Variants in STK39 observed in about 807,000 individuals in gnomAD.
The protein encoded by STK39 is serine/threonine kinase 39.
STK39 carries 20 observed loss-of-function variants against 77.8 expected under a neutral mutation model. That is an observed-to-expected ratio of 0.26 (90% CI 0.18 to 0.37). STK39 has a LOEUF of 0.37. STK39 is among the 10% of genes least tolerant of loss of function. The pLI is 1.00. For missense variants in STK39, 479 were observed against 656.5 expected (o/e 0.73, Z 2.95); for synonymous variants, 246 against 234.1 (o/e 1.05, Z -0.47).
At chr2:168,222,230 C>A (rs1414957426) in intron 1 of STK39, among the ~76,000 whole-genome samples, 2 of 152,152 alleles carry the variant, frequency 1.3e-5, no homozygotes, top group Non-Finnish European at 2.9e-5. Flanking sequence ...AGTCCACTGC[C>A]AGAATTCCTC....
chr2:168,081,373 C>A (rs556209866), intron 10 of STK39, among the ~76,000 whole-genome samples: 3 of 152,246 alleles, frequency 2.0e-5, no homozygotes, highest in Non-Finnish European at 4.4e-5. Context: ...GATTTGACTG[C>A]CTCACTGGAT....
Position 168,247,440 on chromosome 2 carries a change from C to T in STK39, c.-5G>A. On this transcript the variant is annotated 5_prime_UTR_variant, in exon 1 of 18. Transcript: ENST00000355999. ...CGAGCCGCTCGGCTCCGCCATGATG[C>T]TGCGGAGGAGAGCAGGAGGACGCGC... The T allele has an allele frequency of 1.5e-6, 2 of 1,294,412 alleles. No individual in the cohort carries two copies. The highest frequency in any genetic ancestry group is 7.2e-5 in the East Asian group (2 of 27,776). 80.2% of individuals were successfully genotyped at this position (1,294,412 alleles called of 1,614,324 possible).
At chr2:168,131,678 G>A (rs755128917) in intron 8 of STK39, among the ~76,000 whole-genome samples, 14 of 152,258 alleles carry the variant, frequency 9.2e-5, no homozygotes, top group African/African-American at 2.9e-4. Context: ...CTGGATCTCC[G>A]TATCTACCTG....
chr2:167,998,354 C>T (rs1057379076), intron 16 of STK39, among the ~76,000 whole-genome samples: 4 of 152,170 alleles, frequency 2.6e-5, no homozygotes, highest in Non-Finnish European at 4.4e-5. Context: ...TCACTAAATT[C>T]GACTGCAATT....
chr2:168,023,945 C>A (rs1195634337), intron 14 of STK39, among the ~76,000 whole-genome samples: 1 of 152,124 alleles, frequency 6.6e-6, no homozygotes, highest in East Asian at 1.9e-4. Flanking sequence ...CTTACTTTTA[C>A]CCGAAATTCC....
At chr2:168,237,719 A>C (rs559590614) in intron 1 of STK39, among the ~76,000 whole-genome samples, 16 of 152,322 alleles carry the variant, frequency 1.1e-4, no homozygotes, top group Non-Finnish European at 2.2e-4. Context: ...TTTGGCCATT[A>C]GAGAGTTTTC....
At position 168,161,558 on chromosome 2, in the gene STK39, A is replaced by C. The variant is rs189439994; in HGVS notation, c.628+229T>G. 2.5e-3 allele frequency among the ~76,000 whole-genome samples: 374 copies of C among 152,344 alleles called. 2 individuals are homozygous for C. The highest frequency in any genetic ancestry group is 8.5e-3 in the African/African-American group (355 of 41,576). On this transcript the variant is annotated intron_variant, in intron 5 of 17. Transcript: ENST00000355999. ...ACATAATAAAATTGAAAATAAAATT[A>C]TTCTTTATCAAAAAGCTATGTACTA...
chr2:168,052,127 C>T (rs773260845), intron 14 of STK39, among the ~76,000 whole-genome samples: 5 of 152,066 alleles, frequency 3.3e-5, no homozygotes, highest in African/African-American at 9.7e-5. Flanking sequence ...CCAATAGACA[C>T]TGTGCCAAGC....
Position 168,247,574 on chromosome 2 carries a change from G to GTC in STK39, c.-140_-139insGA. On this transcript the variant is annotated 5_prime_UTR_variant, in exon 1 of 18. Coordinates refer to ENST00000355999, the MANE Select transcript of STK39 (RefSeq NM_013233.3). Reference sequence around the variant, plus strand: ...CGCCGCCGCCGCCGTCCCCGCCGAAGCCAGCTAGGAGGGGAGGGAGCAAGG... The same window carrying GTC: ...CGCCGCCGCCGCCGTCCCCGCCGAAGTCCCAGCTAGGAGGGGAGGGAGCAAGG... The GTC allele has an allele frequency of 9.2e-6, 6 of 649,320 alleles. No homozygotes were observed. The highest frequency in any genetic ancestry group is 2.0e-5 in the African/African-American group (1 of 50,674). 40.2% of individuals were successfully genotyped at this position (649,320 alleles called of 1,614,324 possible).
intron 14 of STK39, among the ~76,000 whole-genome samples, chr2:168,058,240 T>G (rs887771297): frequency 6.6e-6 from 1 of 152,224 alleles, no homozygotes; most frequent in Non-Finnish European, 1.5e-5. Flanking sequence ...GTGCTTCATT[T>G]TGCAAATATA....
chr2:168,003,687 T>G (rs1250487197), intron 16 of STK39, among the ~76,000 whole-genome samples: 1 of 152,196 alleles, frequency 6.6e-6, no homozygotes, highest in African/African-American at 2.4e-5. Flanking sequence ...ACTTAACACA[T>G]AGACAACTTT....
intron 14 of STK39, among the ~76,000 whole-genome samples, chr2:168,037,514 T>C (rs1684988550): frequency 6.6e-6 from 1 of 152,198 alleles, no homozygotes; most frequent in East Asian, 1.9e-4. Flanking sequence ...TTTAGGTCAT[T>C]GTTTATGGTG....
intron 16 of STK39, among the ~76,000 whole-genome samples, chr2:167,968,218 C>T (rs915284916): frequency 6.6e-6 from 1 of 152,166 alleles, no homozygotes; most frequent in African/African-American, 2.4e-5. Context: ...GATTCGATAT[C>T]TTTGCTATTG....
At chr2:168,100,293 G>T (rs1224034886) in intron 10 of STK39, among the ~76,000 whole-genome samples, 1 of 152,192 alleles carries the variant, frequency 6.6e-6, no homozygotes, top group Non-Finnish European at 1.5e-5. Flanking sequence ...GCCAGCCTTT[G>T]TAACTGTGCT....
intron 14 of STK39, among the ~76,000 whole-genome samples, chr2:168,020,660 T>C (rs1684547900): frequency 6.6e-6 from 1 of 150,604 alleles, no homozygotes; most frequent in Non-Finnish European, 1.5e-5. Flanking sequence ...ATGTATCATA[T>C]ATAATCATTT....
At chr2:168,182,818 C>T (rs1689117143) in intron 1 of STK39, among the ~76,000 whole-genome samples, 1 of 152,052 alleles carries the variant, frequency 6.6e-6, no homozygotes, top group African/African-American at 2.4e-5. Flanking sequence ...TCCATAGGGG[C>T]AAAAAGGTTT....
intron 14 of STK39, among the ~76,000 whole-genome samples, chr2:168,051,583 TTAAGA>T (rs559106244): frequency 4.5e-4 from 69 of 152,300 alleles, no homozygotes; most frequent in Non-Finnish European, 8.2e-4. Flanking sequence ...GCTGTGGAAC[TTAAGA>T]TGAGAGGAGA....
chr2:168,028,520 G>A (rs1264260156), intron 14 of STK39, among the ~76,000 whole-genome samples: 1 of 152,206 alleles, frequency 6.6e-6, no homozygotes, highest in African/African-American at 2.4e-5. Context: ...AGGGGAAAAG[G>A]AGTAATCATA....
chr2:168,211,873 T>C (rs1408288106), intron 1 of STK39, among the ~76,000 whole-genome samples: 3 of 152,234 alleles, frequency 2.0e-5, no homozygotes. Context: ...GGTTCTCTTA[T>C]TAACTAAGTC....
Sources: allele counts gnomAD v4.1 joint callset (sites outside exome capture counted in the v4.1 genomes callset), GRCh38; gene constraint gnomAD v4.1.1; transcripts MANE v1.5; gene names NCBI Gene and HGNC (gene_info 2026-07-23, HGNC 2026-07-21).